Variants in GRAMD1B observed in about 807,000 individuals in gnomAD.
The protein encoded by GRAMD1B is protein Aster-B.
GRAMD1B carries 37 observed loss-of-function variants against 99.7 expected under a neutral mutation model. That is an observed-to-expected ratio of 0.37 (90% CI 0.29 to 0.49). The LOEUF (loss-of-function observed/expected upper bound fraction) is 0.49, where lower values mean the gene tolerates loss of function less well. Ranked by LOEUF, GRAMD1B falls within the 20% of genes least tolerant of loss-of-function variation. GRAMD1B has a pLI of 0.98. For missense variants in GRAMD1B, 888 were observed against 1,009.2 expected (o/e 0.88, Z 1.63); for synonymous variants, 427 against 387.6 (o/e 1.10, Z -1.19).
chr11:123,584,371 A>AAAGGGGGGGGGG, intron 4 of GRAMD1B, 39 bp downstream of exon 4: 1 of 127,444 alleles, frequency 7.8e-6, no homozygotes. Context: ...GGTACCTGAG[A>AAAGGGGGGGGGG]AATGGGAGGG....
chr11:123,436,142 C>T (rs1454289330), intron 1 of GRAMD1B, among the ~76,000 whole-genome samples: 1 of 151,978 alleles, frequency 6.6e-6, no homozygotes, highest in Non-Finnish European at 1.5e-5. Context: ...AGGGTTTCAC[C>T]ATGTTGGCCA....
At chr11:123,534,913 A>G (rs953693680) in intron 2 of GRAMD1B, among the ~76,000 whole-genome samples, 36 of 152,024 alleles carry the variant, frequency 2.4e-4, no homozygotes, top group African/African-American at 8.0e-4. Flanking sequence ...GAGAAGCAAG[A>G]CTGGGCCACA....
At chr11:123,396,309 CTTG>C (rs1167867955) in intron 1 of GRAMD1B, among the ~76,000 whole-genome samples, 4 of 144,240 alleles carry the variant, frequency 2.8e-5, no homozygotes, top group African/African-American at 5.2e-5. Context: ...GAGCTTAGCT[CTTG>C]TTGTCCAGGC....
At chr11:123,595,864 G>C (rs376608214) in intron 6 of GRAMD1B, 78 bp from the exon 7 acceptor site, 8 of 723,486 alleles carry the variant, frequency 1.1e-5, no homozygotes, top group South Asian at 8.5e-5. Flanking sequence ...CTACACTGGC[G>C]CCCCCTGAAC....
intron 1 of GRAMD1B, among the ~76,000 whole-genome samples, chr11:123,466,206 G>A (rs1950648747): frequency 6.6e-6 from 1 of 151,942 alleles, no homozygotes; most frequent in Non-Finnish European, 1.5e-5. Context: ...AACCTGGGAG[G>A]TGGAGGTTGC....
At chr11:123,388,139 A>G (rs1295985165) in intron 1 of GRAMD1B, among the ~76,000 whole-genome samples, 1 of 151,916 alleles carries the variant, frequency 6.6e-6, no homozygotes, top group Non-Finnish European at 1.5e-5. Flanking sequence ...CAAAAAAAAA[A>G]AAAAAAAAAA....
intron 1 of GRAMD1B, among the ~76,000 whole-genome samples, chr11:123,434,250 A>G (rs1949055966): frequency 6.6e-6 from 1 of 150,574 alleles, no homozygotes; most frequent in Admixed American, 6.6e-5. Context: ...AAAAAAAAAA[A>G]AAAACCACCA....
At chr11:123,451,690 G>A (rs1409597865) in intron 1 of GRAMD1B, among the ~76,000 whole-genome samples, 14 of 152,198 alleles carry the variant, frequency 9.2e-5, no homozygotes, top group Admixed American at 9.2e-4. Flanking sequence ...TACACAGTCA[G>A]GCTGCCAGAG....
chr11:123,438,869 G>T lies in GRAMD1B; in HGVS notation c.374+7703G>T, dbSNP rs1045984880. On this transcript the variant is annotated intron_variant, in intron 1 of 19. Coordinates refer to ENST00000635736, the MANE Select transcript of GRAMD1B (RefSeq NM_001387025.1). The stretch of plus-strand genomic sequence containing the variant: ...GAGTCTGAATGGCTAAGCTGCCAGT[G>T]GGGAATTTTCTTCCTGACCCCAGTG... 2.0e-5 allele frequency among the ~76,000 whole-genome samples: 3 copies of T among 152,180 alleles called. No individual in the cohort carries two copies. The East Asian group carries it at 5.8e-4, about 29-fold the overall frequency.
intron 1 of GRAMD1B, among the ~76,000 whole-genome samples, chr11:123,479,216 A>G (rs1951458380): frequency 6.6e-6 from 1 of 152,166 alleles, no homozygotes; most frequent in Non-Finnish European, 1.5e-5. Context: ...TGTGTGTGGT[A>G]ACGTGTATGG....
chr11:123,385,894 C>A (rs568725582), intron 1 of GRAMD1B, among the ~76,000 whole-genome samples: 1 of 152,160 alleles, frequency 6.6e-6, no homozygotes, highest in Non-Finnish European at 1.5e-5. Context: ...CTTCTTCCTG[C>A]ATATGCTTCT....
intron 5 of GRAMD1B, among the ~76,000 whole-genome samples, chr11:123,594,398 G>T (rs1171830166): frequency 1.3e-5 from 2 of 152,232 alleles, no homozygotes; most frequent in East Asian, 3.8e-4. Context: ...TATCTCTGCA[G>T]TTGGCCCAGT....
Position 123,490,904 on chromosome 11 carries a change from G to C in GRAMD1B, c.452+10011G>C, listed in dbSNP as rs78332724. ...GAAGGCGAGGAGGTTAGCGGCAGCAGGATCTGTTTTCTCTGTGTGATAGAA... is the reference window on the plus strand; with the variant it reads ...GAAGGCGAGGAGGTTAGCGGCAGCACGATCTGTTTTCTCTGTGTGATAGAA... On this transcript the variant is annotated intron_variant, in intron 2 of 19. Transcript: ENST00000635736. Among the ~76,000 whole-genome samples the C allele has an allele frequency of 9.3e-3, 1,419 of 152,322 alleles. 23 individuals carry two copies. Among genetic ancestry groups the C allele is most frequent in the African/African-American group, 0.032 (1,350 of 41,554 alleles).
chr11:123,537,366 C>G (rs997266279), intron 2 of GRAMD1B, among the ~76,000 whole-genome samples: 4 of 152,182 alleles, frequency 2.6e-5, no homozygotes, highest in African/African-American at 9.7e-5. Context: ...CCTCAACTGT[C>G]TTTTCTTATT....
rs377685033 is a variant in GRAMD1B at position 123,508,552 on chromosome 11, G to A, written c.452+27659G>A. On this transcript the variant is annotated intron_variant, in intron 2 of 19. Coordinates refer to ENST00000635736, the MANE Select transcript of GRAMD1B (RefSeq NM_001387025.1). The stretch of plus-strand genomic sequence containing the variant: ...TTGTTCCTGTAGTTAAGCCAGACCC[G>A]TGAGCACTGTGTTGTCAGTGTCATC... 5.3e-5 allele frequency among the ~76,000 whole-genome samples: 8 copies of A among 152,276 alleles called. No individual in the cohort carries two copies. In the South Asian group the frequency reaches 6.2e-4, roughly 12 times the overall value.
chr11:123,619,579 C>T, intron 19 of GRAMD1B: 1 of 1,142,792 alleles, frequency 8.8e-7, no homozygotes, highest in Non-Finnish European at 1.1e-6. Flanking sequence ...GATTTGTCTT[C>T]CCAGAGGGCA....
intron 2 of GRAMD1B, among the ~76,000 whole-genome samples, chr11:123,527,175 G>T (rs186120237): frequency 3.3e-5 from 5 of 152,144 alleles, no homozygotes; most frequent in Non-Finnish European, 7.3e-5. Flanking sequence ...GGCTGTCCAC[G>T]CGTGGGGTGG....
intron 2 of GRAMD1B, among the ~76,000 whole-genome samples, chr11:123,543,038 C>G (rs550889254): frequency 3.9e-5 from 6 of 152,164 alleles, no homozygotes; most frequent in Admixed American, 3.3e-4. Context: ...CTCCTTTGCA[C>G]TTGATTTCAC....
intron 2 of GRAMD1B, among the ~76,000 whole-genome samples, chr11:123,507,372 G>A (rs1190458385): frequency 6.6e-6 from 1 of 152,176 alleles, no homozygotes; most frequent in East Asian, 1.9e-4. Context: ...CCATAGTCTA[G>A]GGCTTATAGA....
Sources: gnomAD v4.1 joint callset for allele counts (sites outside exome capture counted in the v4.1 genomes callset) on GRCh38, gnomAD v4.1.1 for gene constraint, MANE v1.5 for transcripts, NCBI Gene and HGNC (gene_info 2026-07-23, HGNC 2026-07-21) for gene names.